Variants in MAPK8 observed in about 807,000 individuals in gnomAD.
MAPK8 encodes the protein JUN N-terminal kinase.
A neutral mutation model predicts 52.9 loss-of-function variants in MAPK8; 13 were observed. The ratio of observed to expected loss-of-function variants is 0.25; its 90% CI spans 0.16 to 0.39. MAPK8 has a LOEUF of 0.39. Among genes scored for constraint, MAPK8 ranks in the 10% least tolerant of loss-of-function variants. The pLI, the probability that MAPK8 is intolerant of heterozygous loss-of-function variation, is 1.00. For synonymous variants in MAPK8, 191 were observed against 169.8 expected (o/e 1.12, Z -0.97); for missense variants, 300 against 519.2 (o/e 0.58, Z 4.10).
intron 1 of MAPK8, among the ~76,000 whole-genome samples, chr10:48,387,579 T>G (rs182184190): frequency 1.3e-5 from 2 of 152,282 alleles, no homozygotes; most frequent in Admixed American, 1.3e-4. Context: ...GACATTTTAT[T>G]ATACATGAAT....
At chr10:48,403,798 G>C (rs1386384717) in intron 2 of MAPK8, among the ~76,000 whole-genome samples, 1 of 151,668 alleles carries the variant, frequency 6.6e-6, no homozygotes, top group African/African-American at 2.4e-5. Flanking sequence ...GCCCAGGCTA[G>C]AGTGCAGTGG....
intron 1 of MAPK8, among the ~76,000 whole-genome samples, chr10:48,371,388 G>A (rs1181144203): frequency 2.6e-5 from 4 of 152,046 alleles, no homozygotes; most frequent in African/African-American, 9.7e-5. Flanking sequence ...TGCCTTCAGT[G>A]TGTTGTGTTT....
intron 7 of MAPK8, chr10:48,425,248 C>A: frequency 1.3e-6 from 1 of 744,472 alleles, no homozygotes; most frequent in Non-Finnish European, 2.5e-6. Flanking sequence ...CCTTCAGGGT[C>A]CTGGAGTGTA....
intron 1 of MAPK8, among the ~76,000 whole-genome samples, chr10:48,382,420 A>G (rs1234819695): frequency 6.6e-6 from 1 of 152,214 alleles, no homozygotes; most frequent in African/African-American, 2.4e-5. Context: ...ACAATATACA[A>G]ACAGATCTGT....
Position 48,431,218 on chromosome 10 carries a change from C to T in MAPK8, c.1086C>T (p.Asp362=). Residue 362 remains aspartate, a synonymous_variant, in exon 11 of 12, where the codon GAC becomes GAT. Transcript: ENST00000374189. ...WKELIYKEVM[D]LEERTKNGVI... is the part of the protein sequence containing the mutation. ...AATTGATATATAAGGAAGTTATGGACTTGGAGGAGAGAACCAAGAATGGAG... is the reference window on the plus strand; with the variant it reads ...AATTGATATATAAGGAAGTTATGGATTTGGAGGAGAGAACCAAGAATGGAG... The T allele has an allele frequency of 6.2e-7, 1 of 1,611,336 alleles. No individual in the cohort carries two copies. Among genetic ancestry groups the T allele is most frequent in the Non-Finnish European group, 8.5e-7 (1 of 1,177,520 alleles).
chr10:48,312,490 G>C (rs928135934), intron 1 of MAPK8, among the ~76,000 whole-genome samples: 4 of 152,120 alleles, frequency 2.6e-5, no homozygotes, highest in Non-Finnish European at 5.9e-5. Context: ...CCATATTTCT[G>C]GGGAAACTAG....
chr10:48,383,757 C>T (rs1174025334), intron 1 of MAPK8, among the ~76,000 whole-genome samples: 2 of 151,978 alleles, frequency 1.3e-5, no homozygotes, highest in Non-Finnish European at 2.9e-5. Context: ...TTTTTAGTTG[C>T]ACTGTTTGCT....
At chr10:48,336,799 A>G (rs1844733306) in intron 1 of MAPK8, among the ~76,000 whole-genome samples, 2 of 152,174 alleles carry the variant, frequency 1.3e-5, no homozygotes, top group Admixed American at 1.3e-4. Context: ...ATTTCTCAGC[A>G]CTTTATAGGT....
At chr10:48,352,544 A>G (rs1331123005) in intron 1 of MAPK8, among the ~76,000 whole-genome samples, 3 of 152,224 alleles carry the variant, frequency 2.0e-5, no homozygotes, top group East Asian at 1.9e-4. Flanking sequence ...ATCAAATGCT[A>G]TAGAAGCATT....
chr10:48,326,643 G>T lies in MAPK8; in HGVS notation c.-50+19822G>T, dbSNP rs112060701. Among the ~76,000 whole-genome samples the T allele has an allele frequency of 2.2e-3, 336 of 152,228 alleles. 2 individuals are homozygous for T. Among genetic ancestry groups the T allele is most frequent in the African/African-American group, 7.8e-3 (322 of 41,528 alleles). On this transcript the variant is annotated intron_variant, in intron 1 of 11. Coordinates refer to ENST00000374189, the MANE Select transcript of MAPK8 (RefSeq NM_001323329.2). ...CTGTATATCTATGTGTCTAGAGAGA[G>T]ATATAAGTATTTAATATTATATATC...
At chr10:48,387,529 C>G (rs531726289) in intron 1 of MAPK8, among the ~76,000 whole-genome samples, 73 of 152,030 alleles carry the variant, frequency 4.8e-4, no homozygotes, top group Non-Finnish European at 9.1e-4. Flanking sequence ...AGATTATAAC[C>G]TCTTCCTGGA....
intron 1 of MAPK8, among the ~76,000 whole-genome samples, chr10:48,379,567 A>G (rs2040865155): frequency 6.6e-6 from 1 of 152,190 alleles, no homozygotes; most frequent in Non-Finnish European, 1.5e-5. Context: ...TCCCCACAAA[A>G]GTATACTTTA....
At chr10:48,358,794 A>G (rs1174481545) in intron 1 of MAPK8, among the ~76,000 whole-genome samples, 1 of 152,182 alleles carries the variant, frequency 6.6e-6, no homozygotes, top group African/African-American at 2.4e-5. Flanking sequence ...TGAACATGGT[A>G]TAGGTAACAG....
intron 1 of MAPK8, among the ~76,000 whole-genome samples, chr10:48,313,904 C>A (rs546286375): frequency 6.6e-5 from 10 of 152,290 alleles, no homozygotes; most frequent in African/African-American, 2.2e-4. Flanking sequence ...TACAGGTGAT[C>A]CACCTGCCTT....
chr10:48,376,743 A>G (rs1031998090), intron 1 of MAPK8, among the ~76,000 whole-genome samples: 1 of 151,776 alleles, frequency 6.6e-6, no homozygotes, highest in Non-Finnish European at 1.5e-5. Flanking sequence ...TGCTGGAGAA[A>G]TAGGAACACT....
intron 1 of MAPK8, among the ~76,000 whole-genome samples, chr10:48,307,710 C>T (rs1919706): frequency 0.83 from 126,145 of 152,210 alleles, 52,792 homozygotes; most frequent in African/African-American, 0.96. Flanking sequence ...CCTCTGAAAT[C>T]CAGCGATCTT....
chr10:48,426,544 C>A, intron 9 of MAPK8, 40 bp downstream of exon 9: 2 of 1,576,704 alleles, frequency 1.3e-6, no homozygotes, highest in South Asian at 1.2e-5. Context: ...ATATTGCATT[C>A]TTAGAGTTAG....
At chr10:48,358,652 T>C (rs1173087388) in intron 1 of MAPK8, among the ~76,000 whole-genome samples, 1 of 152,246 alleles carries the variant, frequency 6.6e-6, no homozygotes, top group Non-Finnish European at 1.5e-5. Flanking sequence ...TTGTTGCTTG[T>C]GCCTTTGATG....
At position 48,320,103 on chromosome 10, in the gene MAPK8, A is replaced by T. The variant is rs531841355; in HGVS notation, c.-50+13282A>T. Among the ~76,000 whole-genome samples the T allele has an allele frequency of 5.0e-5, 7 of 140,466 alleles. No homozygotes were observed. The South Asian group carries it at 1.3e-3, about 26-fold the overall frequency. The allele number at this position is 140,466 out of a possible 152,430, so 92.2% of individuals were successfully genotyped here. On this transcript the variant is annotated intron_variant, in intron 1 of 11. Transcript: ENST00000374189. ...AGCTTATTTTGTATTTTTGGTAGAG[A>T]TAGGGTTTCTCCATGTTGGTCAGGC...
Sources: allele counts gnomAD v4.1 joint callset (sites outside exome capture counted in the v4.1 genomes callset), GRCh38; gene constraint gnomAD v4.1.1; transcripts MANE v1.5; gene names NCBI Gene and HGNC (gene_info 2026-07-23, HGNC 2026-07-21).